ASAP2: variants seen among roughly 807,000 people sequenced by gnomAD.
ASAP2 encodes the protein ArfGAP with SH3 domain, ankyrin repeat and PH domain 2, also known as arf-GAP with SH3 domain, ANK repeat and PH domain-containing protein 2.
ASAP2 carries 45 observed loss-of-function variants against 131.4 expected under a neutral mutation model. That is an observed-to-expected ratio of 0.34 (90% CI 0.27 to 0.44). The LOEUF (loss-of-function observed/expected upper bound fraction) is 0.44. ASAP2 is among the 20% of genes least tolerant of loss of function. ASAP2 has a pLI of 1.00. For missense variants in ASAP2, 1,011 were observed against 1,297.0 expected, an observed-to-expected ratio of 0.78 and a Z score of 3.39; for synonymous variants, 510 against 503.0, an observed-to-expected ratio of 1.01 and a Z score of -0.19.
chr2:9,393,722 T>A (rs1237807079), intron 24 of ASAP2, 75 bp downstream of exon 24: 2 of 1,428,146 alleles, frequency 1.4e-6, no homozygotes, highest in African/African-American at 2.9e-5. Context: ...TCTGCAGGAA[T>A]GTTTGCAATC....
At chr2:9,366,641 T>C (rs1266190863) in intron 15 of ASAP2, among the ~76,000 whole-genome samples, 2 of 152,182 alleles carry the variant, frequency 1.3e-5, no homozygotes, top group African/African-American at 4.8e-5. Flanking sequence ...CAACGCAGCC[T>C]CTAGGCTTTT....
intron 4 of ASAP2, among the ~76,000 whole-genome samples, 180 bp from the exon 5 acceptor site, chr2:9,320,108 A>T (rs1670059348): frequency 6.6e-6 from 1 of 152,212 alleles, no homozygotes; most frequent in South Asian, 2.1e-4. Flanking sequence ...AAAGAAAGGA[A>T]ATGCCACCAC....
intron 9 of ASAP2, among the ~76,000 whole-genome samples, chr2:9,337,431 G>C (rs1671281903): frequency 6.6e-6 from 1 of 152,128 alleles, no homozygotes. Flanking sequence ...TTGATCATTT[G>C]GTCATTATTG....
intron 1 of ASAP2, among the ~76,000 whole-genome samples, chr2:9,246,516 T>A (rs1418947256): frequency 6.6e-6 from 1 of 152,170 alleles, no homozygotes; most frequent in Non-Finnish European, 1.5e-5. Context: ...GGTTTTGAAC[T>A]CCTGGGCTCA....
At chr2:9,252,893 C>T (rs1467284514) in intron 1 of ASAP2, among the ~76,000 whole-genome samples, 3 of 139,618 alleles carry the variant, frequency 2.1e-5, no homozygotes, top group Admixed American at 1.5e-4. Flanking sequence ...TCCAGCCTCG[C>T]GACAAAGCGA....
chr2:9,261,119 T>A (rs1032774664), intron 1 of ASAP2, among the ~76,000 whole-genome samples: 13 of 152,068 alleles, frequency 8.5e-5, no homozygotes, highest in Non-Finnish European at 5.9e-5. Context: ...GCACTCTTGG[T>A]GTGGAAGTAG....
intron 1 of ASAP2, among the ~76,000 whole-genome samples, chr2:9,242,284 A>G (rs1664028344): frequency 6.6e-6 from 1 of 152,196 alleles, no homozygotes; most frequent in Non-Finnish European, 1.5e-5. Context: ...TTCCTTGCTG[A>G]CACTGTCAGG....
At chr2:9,295,422 T>C (rs1668093325) in intron 2 of ASAP2, among the ~76,000 whole-genome samples, 1 of 152,262 alleles carries the variant, frequency 6.6e-6, no homozygotes, top group African/African-American at 2.4e-5. Context: ...CTGTTACTTT[T>C]GTTAGTGTTA....
intron 6 of ASAP2, among the ~76,000 whole-genome samples, chr2:9,326,227 AAAAC>A (rs374953608): frequency 6.6e-5 from 10 of 152,294 alleles, no homozygotes; most frequent in South Asian, 4.1e-4. Context: ...CAAAAAAACA[AAAAC>A]AAACAAACAA....
At position 9,311,042 on chromosome 2, in the gene ASAP2, G is replaced by T. The variant is rs1016820604; in HGVS notation, c.346-7482G>T. ...TTGTCAGACATATCCAAGTGAACTC[G>T]GGGGGAAAAGCTAAGACAGGAAGTA... On this transcript the variant is annotated intron_variant, in intron 3 of 27. Coordinates refer to ENST00000281419, the MANE Select transcript of ASAP2 (RefSeq NM_003887.3). The surrounding 1 kb of genome is among the most constrained non-coding windows in gnomAD (Gnocchi z 5.2). Among the ~76,000 whole-genome samples the T allele has an allele frequency of 1.1e-4, 8 of 71,808 alleles. No homozygotes were observed. Among genetic ancestry groups the T allele is most frequent in the East Asian group, 6.8e-4 (3 of 4,424 alleles). 47.1% of individuals were successfully genotyped at this position (71,808 alleles called of 152,430 possible).
intron 1 of ASAP2, among the ~76,000 whole-genome samples, chr2:9,216,628 T>G (rs1662062807): frequency 6.6e-6 from 1 of 151,836 alleles, no homozygotes; most frequent in African/African-American, 2.4e-5. Flanking sequence ...ACCCAGCTAA[T>G]TTTTGTATTT....
At chr2:9,387,195 CAG>C (rs1341655467) in intron 21 of ASAP2, among the ~76,000 whole-genome samples, 4 of 137,556 alleles carry the variant, frequency 2.9e-5, no homozygotes, top group African/African-American at 9.0e-5. Context: ...GCCTGGGCAA[CAG>C]AGAGAGACTC....
At chr2:9,378,451 A>G (rs572485304) in intron 18 of ASAP2, among the ~76,000 whole-genome samples, 1 of 152,342 alleles carries the variant, frequency 6.6e-6, no homozygotes, top group African/African-American at 2.4e-5. Context: ...TGGGAAAGTG[A>G]CTTTTCCCTT....
At chr2:9,334,981 C>A in intron 8 of ASAP2, 112 bp from the exon 9 acceptor site, 2 of 1,351,744 alleles carry the variant, frequency 1.5e-6, no homozygotes, top group Non-Finnish European at 2.1e-6. Context: ...GTTTGACCAG[C>A]GAGGGAGGCA....
At chr2:9,375,865 C>T (rs1674363154) in intron 17 of ASAP2, among the ~76,000 whole-genome samples, 1 of 152,240 alleles carries the variant, frequency 6.6e-6, no homozygotes, top group Non-Finnish European at 1.5e-5. Context: ...CCCCACTGTG[C>T]TCCCCCTCAG....
chr2:9,276,678 C>T (rs1039482916), intron 1 of ASAP2, among the ~76,000 whole-genome samples: 3 of 152,236 alleles, frequency 2.0e-5, no homozygotes, highest in South Asian at 4.1e-4. Flanking sequence ...GCTGGGATTA[C>T]AGGCACACCC....
chr2:9,287,205 A>C (rs10191238), intron 2 of ASAP2, among the ~76,000 whole-genome samples: 1 of 152,074 alleles, frequency 6.6e-6, no homozygotes, highest in Non-Finnish European at 1.5e-5. Context: ...GAAAACAAGC[A>C]GCAACGTGGG....
rs372857134 is a variant in ASAP2, at chr2:9,357,796, T to C, written c.1328-960T>C. On this transcript the variant is annotated intron_variant, in intron 14 of 27. Transcript: ENST00000281419. ...TTTCCAACATGGATAACATTTTTAA[T>C]AACTTGAACATTTAAAAAATAACTT... 2.0e-5 allele frequency among the ~76,000 whole-genome samples: 3 copies of C among 152,336 alleles called. No homozygotes were observed. The South Asian group carries it at 6.2e-4, about 32-fold the overall frequency.
intron 13 of ASAP2, 22 bp downstream of exon 13, chr2:9,356,117 C>T: frequency 6.2e-7 from 1 of 1,614,148 alleles, no homozygotes. Flanking sequence ...GGTGGTGGGA[C>T]TTTGGGCTGG....
Sources: gnomAD v4.1 joint callset for allele counts (sites outside exome capture counted in the v4.1 genomes callset) on GRCh38, gnomAD v4.1.1 for gene constraint, Gnocchi (gnomAD v3.1) non-coding constraint, MANE v1.5 for transcripts, NCBI Gene and HGNC (gene_info 2026-07-23, HGNC 2026-07-21) for gene names.